TANC2: variants seen among roughly 807,000 people sequenced by gnomAD.
The protein encoded by TANC2 is protein TANC2.
TANC2 carries 26 observed loss-of-function variants against 210.5 expected under a neutral mutation model. That is an observed-to-expected ratio of 0.12 (90% CI 0.09 to 0.17). The LOEUF (loss-of-function observed/expected upper bound fraction) is 0.17. Among genes scored for constraint, TANC2 ranks in the 10% least tolerant of loss-of-function variants. The pLI, the probability that TANC2 is intolerant of heterozygous loss-of-function variation, is 1.00. For missense variants in TANC2, 2,129 were observed against 2,608.9 expected, an observed-to-expected ratio of 0.82 and a Z score of 4.01; for synonymous variants, 931 against 967.1, an observed-to-expected ratio of 0.96 and a Z score of 0.69.
At chr17:63,374,926 A>T (rs2047379299) in intron 14 of TANC2, among the ~76,000 whole-genome samples, 1 of 152,100 alleles carries the variant, frequency 6.6e-6, no homozygotes, top group Non-Finnish European at 1.5e-5. Context: ...AGAGAATGAG[A>T]TACTTGTGAC....
At chr17:63,009,855 ATATAT>A (rs1390218504) in intron 2 of TANC2, among the ~76,000 whole-genome samples, 1 of 152,164 alleles carries the variant, frequency 6.6e-6, no homozygotes, top group African/African-American at 2.4e-5. Flanking sequence ...TTTATTTCTA[ATATAT>A]TAGAGAGTAA....
chr17:63,267,962 C>A, intron 9 of TANC2, 89 bp downstream of exon 9: 4 of 1,417,126 alleles, frequency 2.8e-6, no homozygotes, highest in Non-Finnish European at 3.8e-6. Flanking sequence ...TATTCCCATA[C>A]TTACTTAAAC....
intron 14 of TANC2, among the ~76,000 whole-genome samples, chr17:63,367,321 G>A (rs1336164982): frequency 1.3e-5 from 2 of 152,148 alleles, no homozygotes; most frequent in Non-Finnish European, 2.9e-5. Context: ...CACGGCCCAT[G>A]GGCCACATGT....
chr17:63,190,055 G>T (rs1016396591), intron 5 of TANC2, among the ~76,000 whole-genome samples: 8 of 152,102 alleles, frequency 5.3e-5, no homozygotes. Context: ...TTTGGCCAAG[G>T]CAGGAATGGT....
At chr17:63,043,786 G>A (rs747213326) in intron 2 of TANC2, among the ~76,000 whole-genome samples, 14 of 152,060 alleles carry the variant, frequency 9.2e-5, no homozygotes, top group Non-Finnish European at 1.8e-4. Flanking sequence ...TGTAGCTGAT[G>A]GCCATTATCA....
intron 9 of TANC2, among the ~76,000 whole-genome samples, chr17:63,285,766 C>G (rs746361220): frequency 6.6e-6 from 1 of 152,118 alleles, no homozygotes; most frequent in Non-Finnish European, 1.5e-5. Flanking sequence ...GATTCATGAC[C>G]CAAGATTTTT....
intron 2 of TANC2, among the ~76,000 whole-genome samples, chr17:63,012,018 T>G (rs2033897266): frequency 7.6e-6 from 1 of 131,094 alleles, no homozygotes; most frequent in East Asian, 2.1e-4. Flanking sequence ...TGATCAAAAC[T>G]TTTTTTTTTT....
At chr17:63,185,502 G>A (rs1300076949) in intron 5 of TANC2, among the ~76,000 whole-genome samples, 1 of 152,130 alleles carries the variant, frequency 6.6e-6, no homozygotes, top group Admixed American at 6.5e-5. Flanking sequence ...ACAACTAGTA[G>A]TGGACTTGCT....
intron 2 of TANC2, among the ~76,000 whole-genome samples, chr17:63,056,006 T>A (rs544366783): frequency 1.8e-5 from 1 of 55,662 alleles, no homozygotes; most frequent in Non-Finnish European, 3.9e-5. Context: ...TATATATATA[T>A]ATATATATAT....
intron 1 of TANC2, among the ~76,000 whole-genome samples, chr17:62,971,704 C>G (rs889755711): frequency 1.3e-5 from 2 of 152,208 alleles, no homozygotes; most frequent in African/African-American, 4.8e-5. Context: ...GGGTGCACAG[C>G]AGGAGGTGAG....
exon 28 of TANC2, chr17:63,427,209 A>G (rs2049166558): frequency 6.6e-6 from 1 of 152,242 alleles, no homozygotes; most frequent in African/African-American, 2.4e-5. Flanking sequence ...TGTCTCCTCC[A>G]AATCCAAGAT....
chr17:63,002,382 C>T (rs1008574015), intron 1 of TANC2, among the ~76,000 whole-genome samples: 10 of 152,190 alleles, frequency 6.6e-5, no homozygotes, highest in South Asian at 2.1e-4. Flanking sequence ...CCACTACTTA[C>T]AGTTTACTGT....
intron 6 of TANC2, among the ~76,000 whole-genome samples, chr17:63,195,241 A>G (rs1238420468): frequency 6.6e-6 from 1 of 152,136 alleles, no homozygotes; most frequent in Non-Finnish European, 1.5e-5. Context: ...TGAAATTTGT[A>G]TATTTAGCTT....
chr17:63,128,404 G>T (rs2038790279), intron 4 of TANC2, among the ~76,000 whole-genome samples: 1 of 152,128 alleles, frequency 6.6e-6, no homozygotes, highest in Admixed American at 6.6e-5. Context: ...TAAATTTTCA[G>T]TGAATTTGGG....
chr17:63,250,184 A>G (rs1197254280), intron 8 of TANC2, among the ~76,000 whole-genome samples: 1 of 152,060 alleles, frequency 6.6e-6, no homozygotes, highest in African/African-American at 2.4e-5. Flanking sequence ...TTACATAAAA[A>G]TTTTGTTATA....
rs75965318 is a variant in TANC2, at chr17:63,366,841, G to T, written c.2582+11451G>T. ...TGAGAAAGCCATGAAAAAATATGCC[G>T]AAGCAGTTACTGACTGTTAAGTGAA... is the stretch of plus-strand genomic sequence containing the variant. On this transcript the variant is annotated intron_variant, in intron 14 of 27. Coordinates refer to ENST00000689528, the Ensembl canonical transcript of TANC2. Among the ~76,000 whole-genome samples the T allele has an allele frequency of 1.2e-4, 19 of 152,268 alleles. No homozygotes were observed. The East Asian group carries it at 3.7e-3, about 29-fold the overall frequency.
intron 5 of TANC2, among the ~76,000 whole-genome samples, chr17:63,170,479 A>G (rs2040368243): frequency 6.6e-6 from 1 of 151,774 alleles, no homozygotes. Flanking sequence ...TTCAGTTGTT[A>G]TTAGTTATCC....
chr17:63,240,929 G>T (rs1214863688), intron 8 of TANC2, among the ~76,000 whole-genome samples: 1 of 152,136 alleles, frequency 6.6e-6, no homozygotes, highest in African/African-American at 2.4e-5. Context: ...ATATGTGTTG[G>T]TCTGACTGTC....
At chr17:63,005,252 TA>T (rs2143770367) in intron 1 of TANC2, 1 of 152,402 alleles carries the variant, frequency 6.6e-6, no homozygotes, top group South Asian at 2.1e-4. Flanking sequence ...AATGGCCATG[TA>T]GTGTAGGTCT....
Sources: allele counts gnomAD v4.1 joint callset (sites outside exome capture counted in the v4.1 genomes callset), GRCh38; gene constraint gnomAD v4.1.1; transcripts MANE v1.5; gene names NCBI Gene and HGNC (gene_info 2026-07-23, HGNC 2026-07-21).